The following PCDHGB6 variants were observed in gnomAD, a reference collection of about 807,000 sequenced individuals.
PCDHGB6 encodes the protein protocadherin gamma-B6.
PCDHGB6 carries 51 observed loss-of-function variants against 59.1 expected under a neutral mutation model. That is an observed-to-expected ratio of 0.86 (90% CI 0.69 to 1.09). The LOEUF (loss-of-function observed/expected upper bound fraction) is 1.09. PCDHGB6 is among the 50% of genes least tolerant of loss of function. The pLI is 0.00. For missense variants in PCDHGB6, 1,148 were observed against 1,205.1 expected, an observed-to-expected ratio of 0.95 and a Z score of 0.70; for synonymous variants, 466 against 495.1, an observed-to-expected ratio of 0.94 and a Z score of 0.78.
intron 1 of PCDHGB6, among the ~76,000 whole-genome samples, chr5:141,462,639 C>T (rs2099043867): frequency 7.2e-6 from 1 of 138,292 alleles, no homozygotes. Flanking sequence ...TTGACTCTTT[C>T]ATTTCCATCC....
chr5:141,410,737 C>A, intron 1 of PCDHGB6, 117 bp downstream of exon 1: 1 of 1,295,554 alleles, frequency 7.7e-7, no homozygotes, highest in East Asian at 2.5e-5. Context: ...TAGCTTTTTA[C>A]AATATTTTCT....
chr5:141,410,785 G>T, intron 1 of PCDHGB6, 165 bp downstream of exon 1: 1 of 804,598 alleles, frequency 1.2e-6, no homozygotes, highest in Non-Finnish European at 1.8e-6. Context: ...TATGTATTTG[G>T]TTCATAAGTT....
chr5:141,465,413 G>A (rs996581829), intron 1 of PCDHGB6, among the ~76,000 whole-genome samples: 1 of 152,174 alleles, frequency 6.6e-6, no homozygotes, highest in Non-Finnish European at 1.5e-5. Context: ...AGCCAAATCA[G>A]CACTGAAAGG....
At chr5:141,453,586 C>T (rs1409763264) in intron 1 of PCDHGB6, among the ~76,000 whole-genome samples, 1 of 152,204 alleles carries the variant, frequency 6.6e-6, no homozygotes, top group Non-Finnish European at 1.5e-5. Context: ...GGTTTATCCT[C>T]ACTGTGTTTC....
Position 141,486,775 on chromosome 5 carries a change from G to A in PCDHGB6, c.2419-8032G>A, listed in dbSNP as rs2099634725. On this transcript the variant is annotated intron_variant, in intron 1 of 3. Coordinates refer to ENST00000520790, the MANE Select transcript of PCDHGB6 (RefSeq NM_018926.3). This position sits in a 1 kb window ranked among gnomAD's most constrained non-coding sequence, Gnocchi z 5.0. ...AGCAAACCCAGACACTGCAGTTTGA[G>A]GTGCAGGCCCGGGATCGGGGCAACC... 7 of 1,614,122 alleles carry A rather than the reference G, an allele frequency of 4.3e-6. No individual in the cohort carries two copies. Among genetic ancestry groups the A allele is most frequent in the Non-Finnish European group, 5.9e-6 (7 of 1,180,060 alleles).
intron 1 of PCDHGB6, among the ~76,000 whole-genome samples, chr5:141,445,920 A>C (rs1343777309): frequency 6.6e-6 from 1 of 152,212 alleles, no homozygotes; most frequent in African/African-American, 2.4e-5. Context: ...GGCAGTGACA[A>C]GATATTTGAA....
rs372196346 is a variant in PCDHGB6 at position 141,409,242 on chromosome 5, T to C, written c.1040T>C (p.Ile347Thr). 22 of 1,613,864 alleles carry C rather than the reference T, an allele frequency of 1.4e-5. No homozygotes were observed. Among genetic ancestry groups the C allele is most frequent in the Middle Eastern group, 1.6e-4 (1 of 6,084 alleles). Residue 347 changes from isoleucine to threonine, a missense_variant, in exon 1 of 4, where the codon ATA (isoleucine) becomes ACA (threonine). Around this residue, in one of 5 missense-constraint regions of PCDHGB6, gnomAD observed 549 missense variants for 527.5 expected, o/e 1.04. Transcript: ENST00000520790. ...GATGAAAACGACAACAGCCCAGAAA[T>C]AATCATCACTTCTCTCTCTGATCAG... ...ILDENDNSPE[I>T]IITSLSDQIL...
At position 141,413,888 on chromosome 5, in the gene PCDHGB6, A is replaced by G. The variant is rs777389288; in HGVS notation, c.2418+3268A>G. On this transcript the variant is annotated intron_variant, in intron 1 of 3. Transcript: ENST00000520790. Reference sequence around the variant, plus strand: ...GTCCTTGTCAGTGTGACTGTCTTCGATGCAAATGACAACGCGCCGGTCTTC... The same window carrying G: ...GTCCTTGTCAGTGTGACTGTCTTCGGTGCAAATGACAACGCGCCGGTCTTC... The G allele has an allele frequency of 2.5e-5, 40 of 1,613,256 alleles. No individual in the cohort carries two copies. Among genetic ancestry groups the G allele is most frequent in the Non-Finnish European group, 3.4e-5 (40 of 1,179,886 alleles).
intron 1 of PCDHGB6, among the ~76,000 whole-genome samples, chr5:141,450,363 T>C (rs2098678373): frequency 6.6e-6 from 1 of 152,162 alleles, no homozygotes; most frequent in Admixed American, 6.5e-5. Flanking sequence ...TTCCTCAGCC[T>C]TGTTTGTTTA....
At chr5:141,419,472 G>T in intron 1 of PCDHGB6, 1 of 1,612,328 alleles carries the variant, frequency 6.2e-7, no homozygotes, top group South Asian at 1.1e-5. Flanking sequence ...CGCGACCAGG[G>T]CTCGCCCGCG....
At position 141,432,003 on chromosome 5, in the gene PCDHGB6, T is replaced by A; in HGVS notation, c.2418+21383T>A. On this transcript the variant is annotated intron_variant, in intron 1 of 3. Coordinates refer to ENST00000520790, the MANE Select transcript of PCDHGB6 (RefSeq NM_018926.3). This position sits in a 1 kb window ranked among gnomAD's most constrained non-coding sequence, Gnocchi z 6.0. ...GACATAGTCTTGGATAGGGAACAGG[T>A]TCCTAGCTACAACATCACAGTGACC... The A allele has an allele frequency of 6.2e-7, 1 of 1,614,116 alleles. No individual in the cohort carries two copies.
In PCDHGB6 at chr5:141,489,104, A is replaced by C; in HGVS notation, c.2419-5703A>C. The stretch of plus-strand genomic sequence containing the variant: ...CCACTCGGTGACTAAGAACTGCTGC[A>C]AGCAGGCAAACCTCCGAGCAGTTTT... On this transcript the variant is annotated intron_variant, in intron 1 of 3. Coordinates refer to ENST00000520790, the MANE Select transcript of PCDHGB6 (RefSeq NM_018926.3). The surrounding 1 kb of genome is among the most constrained non-coding windows in gnomAD (Gnocchi z 4.5). 2.5e-6 allele frequency: 1 copy of C among 405,816 alleles called. No individual in the cohort carries two copies. Among genetic ancestry groups the C allele is most frequent in the Non-Finnish European group, 4.3e-6 (1 of 232,372 alleles). 25.1% of individuals were successfully genotyped at this position (405,816 alleles called of 1,614,324 possible). A position where few individuals can be genotyped will look rare whatever the true frequency, so the allele number is the denominator to read the frequency against.
chr5:141,415,860 A>G (rs2095965840), intron 1 of PCDHGB6: 3 of 1,175,636 alleles, frequency 2.6e-6, no homozygotes, highest in Middle Eastern at 3.1e-4. Context: ...CTTGTAGTTT[A>G]TAGTGTTGTT....
chr5:141,424,319 G>A (rs1014361496), intron 1 of PCDHGB6: 1 of 152,006 alleles, frequency 6.6e-6, no homozygotes, highest in African/African-American at 2.4e-5. Context: ...ATATTGACTG[G>A]CTTTTAACTA....
intron 1 of PCDHGB6, chr5:141,427,054 C>T (rs1235803553): frequency 4.4e-6 from 2 of 457,580 alleles, no homozygotes; most frequent in Admixed American, 4.7e-5. Context: ...CCCCCAGGCA[C>T]CTCTGTACTA....
rs960870975 is a variant in PCDHGB6 at position 141,417,761 on chromosome 5, C to T, written c.2418+7141C>T. On this transcript the variant is annotated intron_variant, in intron 1 of 3. Coordinates refer to ENST00000520790, the MANE Select transcript of PCDHGB6 (RefSeq NM_018926.3). ...ACACCAGATTGCCAGCTCCGAGACC[C>T]GGGACTCCTCCTGTCCTGGGCCGAA... is the stretch of plus-strand genomic sequence containing the variant. 1.8e-5 allele frequency: 26 copies of T among 1,438,736 alleles called. No homozygotes were observed. The East Asian group carries it at 5.0e-4, about 28-fold the overall frequency. The allele number at this position is 1,438,736 out of a possible 1,614,324, so 89.1% of individuals were successfully genotyped here.
rs1247067983 is a variant in PCDHGB6, at chr5:141,511,327, C to T, written c.*154C>T. ...CCCTTGGGAAACAGAAACAAGTGCC[C>T]AGTCAGCACCTACCCCTTCCCCCCC... On this transcript the variant is annotated 3_prime_UTR_variant, in exon 4 of 4. Transcript: ENST00000520790. 28 of 1,455,454 alleles carry T rather than the reference C, an allele frequency of 1.9e-5. No individual in the cohort carries two copies. Among genetic ancestry groups the T allele is most frequent in the Admixed American group, 2.4e-5 (1 of 41,734 alleles). 90.2% of individuals were successfully genotyped at this position (1,455,454 alleles called of 1,614,324 possible). A position where few individuals can be genotyped will look rare whatever the true frequency, so the allele number is the denominator to read the frequency against.
chr5:141,466,947 A>C (rs2099132734), intron 1 of PCDHGB6, among the ~76,000 whole-genome samples: 1 of 152,126 alleles, frequency 6.6e-6, no homozygotes, highest in South Asian at 2.1e-4. Context: ...TGTCCAGTAA[A>C]CAGACTGCAA....
chr5:141,414,000 A>C (rs759228883), intron 1 of PCDHGB6: 20 of 1,613,400 alleles, frequency 1.2e-5, no homozygotes, highest in Non-Finnish European at 1.6e-5. Flanking sequence ...ACAGGGACGA[A>C]GGTGCCAATG....
Sources: allele counts gnomAD v4.1 joint callset (sites outside exome capture counted in the v4.1 genomes callset), GRCh38; gene constraint gnomAD v4.1.1; regional missense constraint gnomAD v4.1.1; non-coding constraint Gnocchi (gnomAD v3.1); transcripts MANE v1.5; gene names NCBI Gene and HGNC (gene_info 2026-07-23, HGNC 2026-07-21).